The following RAVER2 variants were observed in gnomAD, a reference collection of about 807,000 sequenced individuals.
The protein encoded by RAVER2 is ribonucleoprotein, PTB binding 2.
Under a neutral mutation model 78.1 loss-of-function variants are expected in RAVER2, and 46 were observed. That is an observed-to-expected ratio of 0.59 (90% confidence interval 0.46 to 0.75). RAVER2 has a LOEUF of 0.75. Ranked by LOEUF, RAVER2 falls within the 30% of genes least tolerant of loss-of-function variation. The pLI, the probability that RAVER2 is intolerant of heterozygous loss-of-function variation, is 0.00. For missense variants in RAVER2, 793 were observed against 837.5 expected (o/e 0.95, Z 0.66); for synonymous variants, 311 against 313.3 (o/e 0.99, Z 0.08).
At chr1:64,753,812 G>A (rs553701451) in intron 1 of RAVER2, among the ~76,000 whole-genome samples, 258 of 152,178 alleles carry the variant, frequency 1.7e-3, no homozygotes, top group Non-Finnish European at 2.5e-3. Flanking sequence ...GTGAGCCACC[G>A]TGCCCGGCCT....
exon 9 of RAVER2, chr1:64,807,474 G>T (rs753647676): frequency 6.2e-7 from 1 of 1,612,184 alleles, no homozygotes. Flanking sequence ...TAAGTTCAGG[G>T]GTAAGAAAAC....
chr1:64,803,177 C>A lies in RAVER2; in HGVS notation c.1191+116C>A, dbSNP rs868276152. ...TGAGTATTTTGCTTTTAAAGAAAAT[C>A]TTTAATAATAAGTATAGGTATGTAA... On this transcript the variant is annotated intron_variant, in intron 6 of 11. Coordinates refer to ENST00000294428, the Ensembl canonical transcript of RAVER2. 4.6e-5 allele frequency: 34 copies of A among 745,536 alleles called. No homozygotes were observed. The African/African-American group carries it at 4.7e-4, about 10-fold the overall frequency. The allele number at this position is 745,536 out of a possible 1,614,324, so 46.2% of individuals were successfully genotyped here. A position where few individuals can be genotyped will look rare whatever the true frequency, so the allele number is the denominator to read the frequency against.
chr1:64,781,768 C>CA (rs1046279310), intron 4 of RAVER2, among the ~76,000 whole-genome samples, 197 bp downstream of exon 4: 2 of 151,788 alleles, frequency 1.3e-5, no homozygotes, highest in Admixed American at 6.6e-5. Flanking sequence ...AAGTCATTAC[C>CA]AAAAAAAGAA....
At chr1:64,809,518 A>AAATAAATAAATC (rs1391430767) in intron 9 of RAVER2, among the ~76,000 whole-genome samples, 8 of 151,526 alleles carry the variant, frequency 5.3e-5, no homozygotes, top group African/African-American at 1.7e-4. Flanking sequence ...ATAAATAAAT[A>AAATAAATAAATC]AATAAAAGAG....
At chr1:64,759,198 A>T (rs1263446652) in intron 1 of RAVER2, among the ~76,000 whole-genome samples, 9 of 151,204 alleles carry the variant, frequency 6.0e-5, no homozygotes, top group Non-Finnish European at 1.0e-4. Context: ...TTTATTTTTT[A>T]TTTTTATTTT....
chr1:64,784,335 C>G (rs1285305115), intron 4 of RAVER2, among the ~76,000 whole-genome samples: 3 of 152,174 alleles, frequency 2.0e-5, no homozygotes, highest in African/African-American at 7.2e-5. Context: ...CATGATTATA[C>G]CACTGCACTC....
chr1:64,768,071 CA>C (rs1234204280), intron 1 of RAVER2, among the ~76,000 whole-genome samples: 1 of 151,926 alleles, frequency 6.6e-6, no homozygotes, highest in African/African-American at 2.4e-5. Flanking sequence ...CTCAGGTTTA[CA>C]ATCTATTTTA....
chr1:64,745,403 C>G lies in RAVER2; in HGVS notation c.231C>G (p.Pro77=). Reference sequence around the variant, plus strand: ...GGAAAATCCTGGTGAAAAACCTGCCCCAGGACAGCAACTGCCAGGTACTGG... The same window carrying G: ...GGAAAATCCTGGTGAAAAACCTGCCGCAGGACAGCAACTGCCAGGTACTGG... Residue 77 remains proline (P), a synonymous_variant, in exon 1 of 12, where the codon CCC becomes CCG. Transcript: ENST00000294428. The surrounding 1 kb of genome is among the most constrained non-coding windows in gnomAD (Gnocchi z 4.3). 2 of 1,536,980 alleles carry G rather than the reference C, an allele frequency of 1.3e-6. No homozygotes were observed. Among genetic ancestry groups the G allele is most frequent in the South Asian group, 1.2e-5 (1 of 83,830 alleles).
At chr1:64,806,584 A>G (rs1011422133) in intron 8 of RAVER2, among the ~76,000 whole-genome samples, 2 of 152,362 alleles carry the variant, frequency 1.3e-5, no homozygotes, top group Admixed American at 6.5e-5. Context: ...CTAGGTTGAA[A>G]AAAAGGGCTT....
intron 11 of RAVER2, among the ~76,000 whole-genome samples, chr1:64,821,819 A>G (rs1653894663): frequency 6.6e-6 from 1 of 152,220 alleles, no homozygotes; most frequent in Admixed American, 6.5e-5. Flanking sequence ...AAAACCCTGG[A>G]AGACAACCTA....
At chr1:64,828,579 GATATCTTTGATAGGGCGT>G (rs1338984918) in intron 11 of RAVER2, among the ~76,000 whole-genome samples, 1 of 151,732 alleles carries the variant, frequency 6.6e-6, no homozygotes, top group Non-Finnish European at 1.5e-5. Context: ...CTAGAAGTTA[GATATCTTTGATAGGGCGT>G]ATCAGAAGAA....
At chr1:64,818,794 G>C (rs1263395848) in intron 11 of RAVER2, among the ~76,000 whole-genome samples, 1 of 152,120 alleles carries the variant, frequency 6.6e-6, no homozygotes, top group Admixed American at 6.5e-5. Context: ...GTGAAGGGGG[G>C]ACATCGTGGA....
intron 4 of RAVER2, among the ~76,000 whole-genome samples, chr1:64,786,201 A>T (rs190243410): frequency 3.9e-5 from 6 of 152,266 alleles, no homozygotes; most frequent in African/African-American, 1.2e-4. Context: ...AGTTTTTAGA[A>T]GGTTTTTTGT....
intron 5 of RAVER2, among the ~76,000 whole-genome samples, chr1:64,790,697 C>T (rs949676108): frequency 2.2e-4 from 34 of 152,198 alleles, no homozygotes; most frequent in African/African-American, 8.2e-4. Context: ...TGGTTTCAGG[C>T]ATCCACTGGG....
At chr1:64,770,871 G>A (rs1012319162) in intron 2 of RAVER2, among the ~76,000 whole-genome samples, 3 of 151,786 alleles carry the variant, frequency 2.0e-5, no homozygotes, top group Non-Finnish European at 2.9e-5. Context: ...AAACAATGAT[G>A]TAAGTGATCC....
exon 10 of RAVER2, chr1:64,812,816 T>G (rs997012946): frequency 5.6e-6 from 9 of 1,611,972 alleles, no homozygotes; most frequent in Non-Finnish European, 7.6e-6. Flanking sequence ...ATACTTGAAT[T>G]TGGCAAGTGT....
chr1:64,748,960 G>A (rs564637948), intron 1 of RAVER2, among the ~76,000 whole-genome samples: 5 of 152,178 alleles, frequency 3.3e-5, no homozygotes, highest in East Asian at 1.9e-4. Context: ...ACCCTCTAAA[G>A]TAGCTGGGAC....
intron 1 of RAVER2, among the ~76,000 whole-genome samples, chr1:64,748,258 G>T (rs1651597294): frequency 6.6e-6 from 1 of 152,154 alleles, no homozygotes; most frequent in Admixed American, 6.5e-5. Context: ...GAATCTTCCT[G>T]GCCCTCTTTG....
At chr1:64,774,126 C>T (rs554514562) in intron 2 of RAVER2, among the ~76,000 whole-genome samples, 22 of 152,062 alleles carry the variant, frequency 1.4e-4, no homozygotes, top group Non-Finnish European at 2.6e-4. Flanking sequence ...CCGTTCTGTA[C>T]GTTGCCTATT....
Sources: gnomAD v4.1 joint callset for allele counts (sites outside exome capture counted in the v4.1 genomes callset) on GRCh38, gnomAD v4.1.1 for gene constraint, Gnocchi (gnomAD v3.1) non-coding constraint, MANE v1.5 for transcripts, NCBI Gene and HGNC (gene_info 2026-07-23, HGNC 2026-07-21) for gene names.